FAM81A: variants seen among roughly 807,000 people sequenced by gnomAD.
FAM81A encodes family with sequence similarity 81 member A.
FAM81A carries 19 observed loss-of-function variants against 46.7 expected under a neutral mutation model. The ratio of observed to expected loss-of-function variants is 0.41; its 90% CI spans 0.28 to 0.60. The LOEUF (loss-of-function observed/expected upper bound fraction) is 0.60, where lower values mean the gene tolerates loss of function less well. FAM81A is among the 20% of genes least tolerant of loss of function. The pLI is 0.34. For synonymous variants in FAM81A, 183 were observed against 152.9 expected (o/e 1.20, Z -1.45); for missense variants, 377 against 453.5 (o/e 0.83, Z 1.53).
chr15:59,505,129 T>G (rs1469378870), intron 4 of FAM81A, among the ~76,000 whole-genome samples: 1 of 152,184 alleles, frequency 6.6e-6, no homozygotes, highest in African/African-American at 2.4e-5. Context: ...TTTTTTCATG[T>G]TTTTAATCTC....
intron 2 of FAM81A, among the ~76,000 whole-genome samples, chr15:59,406,670 C>T (rs2081096052): frequency 1.3e-5 from 2 of 152,178 alleles, no homozygotes; most frequent in African/African-American, 4.8e-5. Context: ...ACTCCTACCC[C>T]CAGCTCTAGG....
chr15:59,512,992 A>G (rs111358955), intron 6 of FAM81A, among the ~76,000 whole-genome samples: 8,083 of 152,334 alleles, frequency 0.053, 267 homozygotes, highest in African/African-American at 0.093. Context: ...AAGGAAGAAG[A>G]AGAGAACAGA....
chr15:59,510,264 G>A (rs1440579767), intron 6 of FAM81A, among the ~76,000 whole-genome samples: 1 of 151,900 alleles, frequency 6.6e-6, no homozygotes, highest in African/African-American at 2.4e-5. Context: ...TACTCGGGAG[G>A]GTGAGACATG....
At chr15:59,495,980 AT>A (rs1427045041) in intron 4 of FAM81A, among the ~76,000 whole-genome samples, 4 of 151,996 alleles carry the variant, frequency 2.6e-5, no homozygotes, top group Non-Finnish European at 5.9e-5. Flanking sequence ...ATGTCTTTTC[AT>A]TTTCTCATGT....
At chr15:59,461,683 C>A (rs1350853955) in intron 3 of FAM81A, among the ~76,000 whole-genome samples, 3 of 152,088 alleles carry the variant, frequency 2.0e-5, no homozygotes, top group African/African-American at 7.2e-5. Context: ...GTATCATATT[C>A]CTTTTTATGT....
intron 2 of FAM81A, among the ~76,000 whole-genome samples, chr15:59,419,298 T>C (rs960440104): frequency 1.4e-4 from 22 of 152,240 alleles, no homozygotes; most frequent in African/African-American, 5.1e-4. Context: ...ATTCTTCTCA[T>C]TTAGGGAAGT....
intron 4 of FAM81A, among the ~76,000 whole-genome samples, chr15:59,495,450 G>T (rs1226423789): frequency 2.0e-5 from 3 of 152,130 alleles, no homozygotes; most frequent in Admixed American, 6.6e-5. Context: ...TTCCACTTTT[G>T]ACTATTTTAA....
chr15:59,485,549 G>T (rs1195104442), intron 3 of FAM81A, among the ~76,000 whole-genome samples: 3 of 152,256 alleles, frequency 2.0e-5, no homozygotes, highest in South Asian at 2.1e-4. Context: ...AAGAACTACA[G>T]TGTTATTGGG....
At chr15:59,409,695 C>G (rs759367156) in intron 2 of FAM81A, among the ~76,000 whole-genome samples, 19 of 152,122 alleles carry the variant, frequency 1.2e-4, no homozygotes, top group Non-Finnish European at 2.5e-4. Context: ...AAGACATGTC[C>G]TCATCAATAA....
chr15:59,435,673 C>T (rs141095855), upstream of FAM81A, among the ~76,000 whole-genome samples: 1,424 of 152,230 alleles, frequency 9.4e-3, 19 homozygotes, highest in African/African-American at 0.032. Flanking sequence ...ATATACTGAA[C>T]AAATTATTTG....
chr15:59,479,643 G>A (rs899843904), intron 3 of FAM81A, among the ~76,000 whole-genome samples: 1 of 151,910 alleles, frequency 6.6e-6, no homozygotes, highest in Non-Finnish European at 1.5e-5. Context: ...CACCCAGGGG[G>A]ATCACTCCAG....
intron 2 of FAM81A, among the ~76,000 whole-genome samples, chr15:59,403,493 C>T (rs1393225231): frequency 6.6e-6 from 1 of 152,186 alleles, no homozygotes; most frequent in Non-Finnish European, 1.5e-5. Context: ...CCCACTGGCA[C>T]CTTGGTCTTG....
At chr15:59,516,272 C>T (rs1218331281) in intron 7 of FAM81A, among the ~76,000 whole-genome samples, 1 of 151,868 alleles carries the variant, frequency 6.6e-6, no homozygotes, top group African/African-American at 2.4e-5. Context: ...ATTACAGGCA[C>T]CCACCACCAT....
chr15:59,430,317 T>G (rs1295104929), intron 2 of FAM81A, among the ~76,000 whole-genome samples: 2 of 134,078 alleles, frequency 1.5e-5, no homozygotes, highest in Admixed American at 9.0e-5. Flanking sequence ...CAAGCTGGAG[T>G]GCAGTGGTAC....
At chr15:59,445,520 G>T (rs1378657019) in intron 1 of FAM81A, 6 of 152,106 alleles carry the variant, frequency 3.9e-5, no homozygotes, top group African/African-American at 1.4e-4. Context: ...TTAATGTGCT[G>T]TACTCAAGTC....
At position 59,491,833 on chromosome 15, in the gene FAM81A, G is replaced by T. The variant is rs546909335; in HGVS notation, c.295-438G>T. Among the ~76,000 whole-genome samples, 8 of 152,244 alleles carry T rather than the reference G, an allele frequency of 5.3e-5. No individual in the cohort carries two copies. The South Asian group carries it at 1.0e-3, about 20-fold the overall frequency. On this transcript the variant is annotated intron_variant, in intron 3 of 8. Coordinates refer to ENST00000288228, the MANE Select transcript of FAM81A (RefSeq NM_152450.3). ...ATGCAAAACTTAGCCAGGTGTGATG[G>T]CACATGCCTGTAATCCCAGCTGCTC...
intron 4 of FAM81A, among the ~76,000 whole-genome samples, chr15:59,499,443 G>A (rs1332834942): frequency 2.0e-5 from 3 of 152,110 alleles, no homozygotes; most frequent in Non-Finnish European, 4.4e-5. Context: ...TATGACAGGA[G>A]AGAAAATATT....
At chr15:59,506,378 G>A (rs1004525051) in intron 4 of FAM81A, among the ~76,000 whole-genome samples, 4 of 152,048 alleles carry the variant, frequency 2.6e-5, no homozygotes, top group African/African-American at 7.2e-5. Context: ...CTGTGCTCTT[G>A]TAACTTACTT....
At chr15:59,409,922 A>G (rs993094758) in intron 2 of FAM81A, among the ~76,000 whole-genome samples, 3 of 152,190 alleles carry the variant, frequency 2.0e-5, no homozygotes, top group African/African-American at 4.8e-5. Flanking sequence ...AGAAATTATT[A>G]TTAAGGCACA....
Sources: allele counts gnomAD v4.1 joint callset (sites outside exome capture counted in the v4.1 genomes callset), GRCh38; gene constraint gnomAD v4.1.1; transcripts MANE v1.5; gene names NCBI Gene and HGNC (gene_info 2026-07-23, HGNC 2026-07-21).